R3HDM2: variants seen among roughly 807,000 people sequenced by gnomAD.
R3HDM2 encodes the protein R3H domain containing 2.
In R3HDM2, 38 loss-of-function variants were observed where a neutral mutation model predicts 124.5. The ratio of observed to expected loss-of-function variants is 0.31; its 90% CI spans 0.24 to 0.40. The LOEUF (loss-of-function observed/expected upper bound fraction) is 0.40. Among genes scored for constraint, R3HDM2 ranks in the 10% least tolerant of loss-of-function variants. R3HDM2 has a pLI of 1.00. For synonymous variants in R3HDM2, 391 were observed against 448.0 expected (o/e 0.87, Z 1.61); for missense variants, 869 against 1,236.9 (o/e 0.70, Z 4.46).
chr12:57,396,854 G>A (rs905748981), intron 1 of R3HDM2, among the ~76,000 whole-genome samples: 1 of 152,056 alleles, frequency 6.6e-6, no homozygotes, highest in Non-Finnish European at 1.5e-5. Context: ...TACTTTGGGA[G>A]GCCAAAGCAG....
intron 1 of R3HDM2, among the ~76,000 whole-genome samples, chr12:57,401,727 T>C (rs991285249): frequency 6.6e-6 from 1 of 152,224 alleles, no homozygotes; most frequent in Non-Finnish European, 1.5e-5. Context: ...CTCATGCCTG[T>C]AATCCCAGAA....
At chr12:57,365,058 TTCAAGATCAGCCC>T (rs2062461279) in intron 2 of R3HDM2, among the ~76,000 whole-genome samples, 2 of 144,488 alleles carry the variant, frequency 1.4e-5, no homozygotes, top group African/African-American at 5.2e-5. Context: ...AGGTCAGGAG[TTCAAGATCAGCCC>T]GGCCAACATG....
chr12:57,320,261 CAAAAAAA>C lies in R3HDM2; in HGVS notation c.-35-9805_-35-9799del, dbSNP rs56207989. On this transcript the variant is annotated intron_variant, in intron 2 of 23. Coordinates refer to ENST00000402412, the MANE Select transcript of R3HDM2 (RefSeq NM_001394031.1). ...GGGCAACAAGAGTGCAACTCTATCT[CAAAAAAA>C]AAAAAAAAAAAAAAAAAAAAGCCTT... 3.2e-3 allele frequency among the ~76,000 whole-genome samples: 45 copies of C among 14,278 alleles called. 1 individual carries two copies. In the South Asian group the frequency reaches 0.098, roughly 31 times the overall value. 9.4% of individuals were successfully genotyped at this position (14,278 alleles called of 152,430 possible).
chr12:57,405,297 T>C (rs1255884009), intron 1 of R3HDM2, among the ~76,000 whole-genome samples: 2 of 152,218 alleles, frequency 1.3e-5, no homozygotes, highest in African/African-American at 4.8e-5. Context: ...TACATATTAC[T>C]TTTGTAATTT....
rs191299801 is a variant in R3HDM2, at chr12:57,275,366, A to G, written c.1344+4992T>C. Among the ~76,000 whole-genome samples, 197 of 151,054 alleles carry G rather than the reference A, an allele frequency of 1.3e-3. 2 individuals are homozygous for G. The highest frequency in any genetic ancestry group is 4.6e-3 in the African/African-American group (187 of 40,974). On this transcript the variant is annotated intron_variant, in intron 14 of 23. Transcript: ENST00000402412. ...TCTAAGACCTGAAATTAAAAATTCT[A>G]GAAGATAATATATTGGAAAAACCCT... is the stretch of plus-strand genomic sequence containing the variant.
chr12:57,357,087 A>G (rs2061383299), intron 2 of R3HDM2, among the ~76,000 whole-genome samples: 1 of 151,468 alleles, frequency 6.6e-6, no homozygotes, highest in South Asian at 2.1e-4. Context: ...TGGGCGACAC[A>G]GCGAGACTCT....
rs191816413 is a variant in R3HDM2, at chr12:57,422,440, T to C, written c.-106+8280A>G. ...TCCGTGCAGTTTGGCAAAGACTCTGTTACCTTGCTCTATACCTCCATGATT... is the reference window on the plus strand; with the variant it reads ...TCCGTGCAGTTTGGCAAAGACTCTGCTACCTTGCTCTATACCTCCATGATT... On this transcript the variant is annotated intron_variant, in intron 1 of 23. Coordinates refer to ENST00000402412, the MANE Select transcript of R3HDM2 (RefSeq NM_001394031.1). Among the ~76,000 whole-genome samples the C allele has an allele frequency of 4.6e-3, 702 of 152,314 alleles. 4 individuals are homozygous for C. The highest frequency in any genetic ancestry group is 4.5e-3 in the Admixed American group (69 of 15,282).
At chr12:57,255,726 A>G (rs1349441505) in intron 23 of R3HDM2, among the ~76,000 whole-genome samples, 2 of 152,192 alleles carry the variant, frequency 1.3e-5, no homozygotes, top group Admixed American at 1.3e-4. Context: ...ACAGGACACT[A>G]ATTAGAAAAC....
At position 57,304,381 on chromosome 12, in the gene R3HDM2, G is replaced by A. The variant is rs1592999538; in HGVS notation, c.166-1164C>T. 6.7e-6 allele frequency: 3 copies of A among 448,986 alleles called. No homozygotes were observed. The South Asian group carries it at 2.9e-4, about 43-fold the overall frequency. The allele number at this position is 448,986 out of a possible 1,614,324, so 27.8% of individuals were successfully genotyped here. On this transcript the variant is annotated intron_variant, in intron 3 of 23. Coordinates refer to ENST00000402412, the MANE Select transcript of R3HDM2 (RefSeq NM_001394031.1). ...ATATATGGGGATGAGGCACTTAGGA[G>A]TTCTGAGATGTTTGGAATGGAACTC...
chr12:57,262,018 T>C (rs192987450), intron 19 of R3HDM2, among the ~76,000 whole-genome samples: 4 of 152,270 alleles, frequency 2.6e-5, no homozygotes, highest in African/African-American at 9.6e-5. Context: ...TCTGGCAGAA[T>C]TGTTTTTCAT....
intron 3 of R3HDM2, among the ~76,000 whole-genome samples, chr12:57,306,316 T>A (rs1163804112): frequency 6.6e-6 from 1 of 152,186 alleles, no homozygotes; most frequent in Non-Finnish European, 1.5e-5. Flanking sequence ...AGTTCTTTAT[T>A]TCACAACCAC....
At chr12:57,350,834 T>C (rs528135212) in intron 2 of R3HDM2, among the ~76,000 whole-genome samples, 16 of 151,898 alleles carry the variant, frequency 1.1e-4, no homozygotes, top group African/African-American at 2.2e-4. Context: ...GGTGCAGTGG[T>C]TCACGCCTGT....
At chr12:57,278,085 C>T (rs2045264631) in intron 14 of R3HDM2, among the ~76,000 whole-genome samples, 1 of 152,154 alleles carries the variant, frequency 6.6e-6, no homozygotes, top group South Asian at 2.1e-4. Context: ...GGCATCAAAA[C>T]CTGGATAAAT....
chr12:57,370,404 G>C (rs1025810296), intron 2 of R3HDM2, among the ~76,000 whole-genome samples: 8 of 134,168 alleles, frequency 6.0e-5, no homozygotes, highest in South Asian at 2.8e-4. Flanking sequence ...GCCCGGGGGG[G>C]GGGGGCGGGG....
chr12:57,381,947 C>G (rs756778472), intron 2 of R3HDM2, among the ~76,000 whole-genome samples: 5 of 151,700 alleles, frequency 3.3e-5, no homozygotes, highest in Non-Finnish European at 5.9e-5. Context: ...TCCTGAGTAG[C>G]TGAAACTATA....
rs965297477 is a variant in R3HDM2 at position 57,299,345 on chromosome 12, T to C, written c.421+7A>G. ...AGAACAGATGAGAGATGGGAAAAAC[T>C]CCTTACCTCTGGACAGCATCTTCCT... On this transcript the variant is annotated splice_region_variant and intron_variant, in intron 6 of 23. Transcript: ENST00000402412. 5.2e-6 allele frequency: 8 copies of C among 1,548,098 alleles called. No individual in the cohort carries two copies. The highest frequency in any genetic ancestry group is 7.0e-6 in the Non-Finnish European group (8 of 1,143,392).
At chr12:57,319,852 T>A (rs1385562847) in intron 2 of R3HDM2, among the ~76,000 whole-genome samples, 1 of 152,126 alleles carries the variant, frequency 6.6e-6, no homozygotes, top group Non-Finnish European at 1.5e-5. Flanking sequence ...TAACCTTTAA[T>A]TAAGGTCATT....
chr12:57,258,192 T>C, intron 20 of R3HDM2, 55 bp from the exon 21 acceptor site: 1 of 1,341,618 alleles, frequency 7.5e-7, no homozygotes, highest in South Asian at 2.1e-5. Context: ...CCTCTGGATA[T>C]TCCTATGGCT....
At chr12:57,353,528 T>C (rs6581139) in intron 2 of R3HDM2, among the ~76,000 whole-genome samples, 67,932 of 151,970 alleles carry the variant, frequency 0.45, 15,749 homozygotes, top group South Asian at 0.52. Context: ...AGATAAAGCA[T>C]AATTTATTCA....
Sources: allele counts gnomAD v4.1 joint callset (sites outside exome capture counted in the v4.1 genomes callset), GRCh38; gene constraint gnomAD v4.1.1; transcripts MANE v1.5; gene names NCBI Gene and HGNC (gene_info 2026-07-23, HGNC 2026-07-21).